STON1: variants seen among roughly 807,000 people sequenced by gnomAD.
STON1 encodes the protein stonin-1.
In STON1, 79 loss-of-function variants were observed where a neutral mutation model predicts 60.9. The observed-to-expected ratio is 1.30, with a 90% confidence interval of 1.08 to 1.56. STON1 has a LOEUF of 1.56. STON1 is among the 40% of genes most tolerant of loss of function. The pLI is 0.00. For synonymous variants in STON1, 363 were observed against 306.9 expected, an observed-to-expected ratio of 1.18 and a Z score of -1.91; for missense variants, 1,166 against 858.9, an observed-to-expected ratio of 1.36 and a Z score of -4.47.
chr2:48,554,291 G>C lies in STON1; in HGVS notation c.-48+24075G>C, dbSNP rs188821892. Among the ~76,000 whole-genome samples, 145 of 152,082 alleles carry C rather than the reference G, an allele frequency of 9.5e-4. No homozygotes were observed. In the Middle Eastern group the frequency reaches 0.014, roughly 14 times the overall value. On this transcript the variant is annotated intron_variant, in intron 1 of 3. Coordinates refer to ENST00000404752, the MANE Select transcript of STON1 (RefSeq NM_006873.4). ...AGCTGGAGGGCAATGACACAATCTCGGCTCACTGCAACCTCCACCTCCCTG... is the reference window on the plus strand; with the variant it reads ...AGCTGGAGGGCAATGACACAATCTCCGCTCACTGCAACCTCCACCTCCCTG...
chr2:48,534,620 A>G (rs557503072), intron 1 of STON1, among the ~76,000 whole-genome samples: 1 of 152,228 alleles, frequency 6.6e-6, no homozygotes, highest in East Asian at 1.9e-4. Context: ...GGGGTTGAAG[A>G]CTAAGTGGCA....
At chr2:48,590,524 A>G (rs893148159) in intron 2 of STON1, among the ~76,000 whole-genome samples, 2 of 152,124 alleles carry the variant, frequency 1.3e-5, no homozygotes, top group Non-Finnish European at 2.9e-5. Context: ...CATTTATTTA[A>G]GTAAAGATAG....
intron 3 of STON1, among the ~76,000 whole-genome samples, chr2:48,594,933 T>C (rs999905805): frequency 2.0e-5 from 3 of 152,192 alleles, no homozygotes; most frequent in African/African-American, 4.8e-5. Flanking sequence ...ATCTGTAAAT[T>C]TTTTTTCAGT....
intron 1 of STON1, among the ~76,000 whole-genome samples, chr2:48,547,324 C>T (rs1307133569): frequency 1.3e-5 from 2 of 152,210 alleles, no homozygotes; most frequent in African/African-American, 2.4e-5. Flanking sequence ...ATTTGGGACT[C>T]TGATTTTTAG....
At chr2:48,563,346 G>A (rs764444410) in intron 1 of STON1, among the ~76,000 whole-genome samples, 29 of 152,234 alleles carry the variant, frequency 1.9e-4, no homozygotes, top group Admixed American at 6.5e-5. Context: ...AAAAGCAAGA[G>A]CTCATTCCAG....
Position 48,567,420 on chromosome 2 carries a change from TA to T in STON1, c.-47-13166del, listed in dbSNP as rs1485898746. Among the ~76,000 whole-genome samples the T allele has an allele frequency of 5.9e-5, 9 of 152,334 alleles. No homozygotes were observed. The South Asian group carries it at 8.3e-4, about 14-fold the overall frequency. ...GAATGATATTTTATTTTTATATATT[TA>T]TTTTTTTTGAGATGCAGTCTTGCCC... On this transcript the variant is annotated intron_variant, in intron 1 of 3. Coordinates refer to ENST00000404752, the MANE Select transcript of STON1 (RefSeq NM_006873.4).
At chr2:48,551,442 C>T (rs988325301) in intron 1 of STON1, among the ~76,000 whole-genome samples, 3 of 152,228 alleles carry the variant, frequency 2.0e-5, no homozygotes, top group Non-Finnish European at 2.9e-5. Context: ...CCCTCTGACC[C>T]TGCCCCTGCC....
chr2:48,567,921 A>G (rs552056066), intron 1 of STON1, among the ~76,000 whole-genome samples: 1 of 143,528 alleles, frequency 7.0e-6, no homozygotes, highest in South Asian at 2.2e-4. Flanking sequence ...GCTCTTGAGG[A>G]GTCTGGCGCT....
intron 2 of STON1, 30 bp from the exon 3 acceptor site, chr2:48,591,623 C>G (rs886548924): frequency 3.1e-6 from 5 of 1,608,806 alleles, no homozygotes; most frequent in African/African-American, 2.7e-5. Context: ...CATTAAAATA[C>G]TTTGACTATT....
In STON1 at chr2:48,582,002, A is replaced by C; in HGVS notation, c.1369A>C (p.Thr457Pro). ...FVNGNLECFL[T>P]LNDLELPKRD... ...GAATGGGAACCTGGAATGCTTTTTA[A>C]CCTTGAATGACCTTGAGTTGCCGAA... The change falls in exon 2 of 4, where the codon ACC becomes CCC. Residue 457 changes from threonine (T) to proline (P), a missense_variant. Coordinates refer to ENST00000404752, the MANE Select transcript of STON1 (RefSeq NM_006873.4). 1 of 1,614,208 alleles carries C rather than the reference A, an allele frequency of 6.2e-7. No individual in the cohort carries two copies. Among genetic ancestry groups the C allele is most frequent in the Middle Eastern group, 1.6e-4 (1 of 6,062 alleles).
rs150556617 is a variant in STON1, at chr2:48,567,463, G to A, written c.-47-13124G>A. Among the ~76,000 whole-genome samples, 455 of 152,252 alleles carry A rather than the reference G, an allele frequency of 3.0e-3. 5 individuals carry two copies. Among genetic ancestry groups the A allele is most frequent in the African/African-American group, 0.01 (434 of 41,544 alleles). On this transcript the variant is annotated intron_variant, in intron 1 of 3. Transcript: ENST00000404752. Reference sequence around the variant, plus strand: ...GTCTTGCCCTGTCATCCAGGCTGGAGTGCAATGGCGCGATCTTAGCTCACT... The same window carrying A: ...GTCTTGCCCTGTCATCCAGGCTGGAATGCAATGGCGCGATCTTAGCTCACT...
Position 48,564,489 on chromosome 2 carries a change from CTT to C in STON1, c.-47-16097_-47-16096del, listed in dbSNP as rs1558604935. 4.8e-4 allele frequency among the ~76,000 whole-genome samples: 12 copies of C among 24,994 alleles called. 1 individual carries two copies. Among genetic ancestry groups the C allele is most frequent in the South Asian group, 1.9e-3 (1 of 526 alleles). The allele number at this position is 24,994 out of a possible 152,430, so 16.4% of individuals were successfully genotyped here. Reference sequence around the variant, plus strand: ...CTTCTTCTTCTTCTTCTTTCTTCTTCTTCTTCTTCTTCTTCTTCTTCTTCTTC... The same window carrying C: ...CTTCTTCTTCTTCTTCTTTCTTCTTCCTTCTTCTTCTTCTTCTTCTTCTTC... On this transcript the variant is annotated intron_variant, in intron 1 of 3. Transcript: ENST00000404752.
chr2:48,564,457 T>C (rs1289766947), intron 1 of STON1, among the ~76,000 whole-genome samples: 77 of 54,258 alleles, frequency 1.4e-3, no homozygotes, highest in African/African-American at 4.9e-3. Context: ...TTCTTCTTCT[T>C]CTTCTTCTTC....
intron 1 of STON1, among the ~76,000 whole-genome samples, chr2:48,564,730 TTTC>T (rs1368836558): frequency 4.9e-4 from 67 of 135,702 alleles, no homozygotes; most frequent in African/African-American, 1.7e-3. Flanking sequence ...TCTTTCTTTC[TTTC>T]TTTTTTTTTT....
chr2:48,576,415 C>G (rs1248382737), intron 1 of STON1, among the ~76,000 whole-genome samples: 2 of 151,398 alleles, frequency 1.3e-5, no homozygotes, highest in Non-Finnish European at 2.9e-5. Context: ...GTCTTGAACT[C>G]CTGACCTCAA....
chr2:48,590,636 A>AACACACACACACACACACACAC (rs6146756), intron 2 of STON1, among the ~76,000 whole-genome samples: 8,876 of 142,008 alleles, frequency 0.063, 445 homozygotes, highest in East Asian at 0.11. Flanking sequence ...ATTTCCTTAT[A>AACACACACACACACACACACAC]ACACACACAC....
At chr2:48,558,150 G>C (rs1465124430) in intron 1 of STON1, among the ~76,000 whole-genome samples, 4 of 152,210 alleles carry the variant, frequency 2.6e-5, no homozygotes, top group Non-Finnish European at 5.9e-5. Flanking sequence ...TTGAACCCGG[G>C]AGGCAGAGGC....
chr2:48,535,453 T>A (rs1671386054), intron 1 of STON1, among the ~76,000 whole-genome samples: 1 of 152,066 alleles, frequency 6.6e-6, no homozygotes, highest in Admixed American at 6.6e-5. Context: ...GCTCCTGGGA[T>A]CACTCATCCA....
chr2:48,548,914 G>A (rs1007918743), intron 1 of STON1, among the ~76,000 whole-genome samples: 3 of 152,188 alleles, frequency 2.0e-5, no homozygotes, highest in Non-Finnish European at 2.9e-5. Flanking sequence ...GTATCCGAGT[G>A]AATAGGAATG....
Sources: allele counts gnomAD v4.1 joint callset (sites outside exome capture counted in the v4.1 genomes callset), GRCh38; gene constraint gnomAD v4.1.1; transcripts MANE v1.5; gene names NCBI Gene and HGNC (gene_info 2026-07-23, HGNC 2026-07-21).